Variants in RBFOX1 observed in about 807,000 individuals in gnomAD.
RBFOX1 encodes RNA binding protein fox-1 homolog 1.
RBFOX1 carries 8 observed loss-of-function variants against 57.7 expected under a neutral mutation model. The observed-to-expected ratio is 0.14, with a 90% CI of 0.08 to 0.25. RBFOX1 has a LOEUF of 0.25. RBFOX1 is among the 10% of genes least tolerant of loss of function. The probability of loss-of-function intolerance (pLI) is 1.00; values close to 1 mark genes in which losing one functional copy is unlikely to be tolerated. For synonymous variants in RBFOX1, 326 were observed against 222.4 expected, an observed-to-expected ratio of 1.47 and a Z score of -4.15; for missense variants, 611 against 548.5, an observed-to-expected ratio of 1.11 and a Z score of -1.14.
At chr16:5,584,366 C>A (rs1263468693) in intron 2 of RBFOX1, among the ~76,000 whole-genome samples, 3 of 152,194 alleles carry the variant, frequency 2.0e-5, no homozygotes, top group African/African-American at 7.2e-5. Flanking sequence ...GGAGTTTCAT[C>A]TTGCATCACT....
chr16:7,043,437 A>G (rs59843194), intron 3 of RBFOX1, among the ~76,000 whole-genome samples: 36,780 of 152,108 alleles, frequency 0.24, 5,014 homozygotes, highest in East Asian at 0.45. Context: ...TGTGTATCAT[A>G]GTCCTGAAAT....
At chr16:5,367,020 A>T (rs757633967) in intron 1 of RBFOX1, among the ~76,000 whole-genome samples, 2 of 152,240 alleles carry the variant, frequency 1.3e-5, no homozygotes, top group African/African-American at 4.8e-5. Context: ...CACAGTTTCT[A>T]TTGACTTAAT....
At chr16:6,803,324 A>G (rs569807743) in intron 3 of RBFOX1, among the ~76,000 whole-genome samples, 13 of 152,308 alleles carry the variant, frequency 8.5e-5, no homozygotes, top group African/African-American at 3.1e-4. Flanking sequence ...AGTCATTGGA[A>G]GCAGAAAACT....
In RBFOX1 at chr16:6,289,290, A is replaced by G. The variant is rs2077215396; in HGVS notation, c.-126-27705A>G. 1.3e-5 allele frequency among the ~76,000 whole-genome samples: 2 copies of G among 152,166 alleles called. 1 individual carries two copies. The highest frequency in any genetic ancestry group is 4.1e-4 in the South Asian group (2 of 4,822). ...AAAGGTTTGGAAGGGTGGAGGTAGG[A>G]TGGAAGGGTGGATATAGGTGTTATT... is the stretch of plus-strand genomic sequence containing the variant. On this transcript the variant is annotated intron_variant, in intron 1 of 15. Coordinates refer to ENST00000550418, the MANE Select transcript of RBFOX1 (RefSeq NM_018723.4).
intron 14 of RBFOX1, among the ~76,000 whole-genome samples, chr16:7,699,183 T>TCAA (rs2079814297): frequency 6.6e-6 from 1 of 152,116 alleles, no homozygotes; most frequent in African/African-American, 2.4e-5. Flanking sequence ...CACTAACTGA[T>TCAA]CAATCAGGGA....
At chr16:7,674,133 C>G (rs2072508671) in intron 13 of RBFOX1, among the ~76,000 whole-genome samples, 2 of 152,158 alleles carry the variant, frequency 1.3e-5, no homozygotes, top group South Asian at 4.1e-4. Context: ...ATACACAACT[C>G]TTATTTCCCT....
intron 2 of RBFOX1, among the ~76,000 whole-genome samples, chr16:6,367,688 G>C (rs573941123): frequency 4.0e-5 from 6 of 151,748 alleles, no homozygotes; most frequent in Admixed American, 3.3e-4. Flanking sequence ...CATAGGATGG[G>C]AGCCAATGCC....
At chr16:6,310,310 C>T (rs996915255) in intron 1 of RBFOX1, among the ~76,000 whole-genome samples, 6 of 152,224 alleles carry the variant, frequency 3.9e-5, no homozygotes, top group African/African-American at 1.4e-4. Flanking sequence ...TGAGCACTTA[C>T]TACGTGGCAG....
intron 2 of RBFOX1, among the ~76,000 whole-genome samples, chr16:6,394,691 A>G (rs570368707): frequency 1.3e-5 from 2 of 151,670 alleles, no homozygotes; most frequent in South Asian, 4.2e-4. Flanking sequence ...AATGTATTAG[A>G]TAATGTGTGT....
chr16:7,530,680 G>A lies in RBFOX1; in HGVS notation c.270+12291G>A, dbSNP rs573175045. 5.4e-3 allele frequency among the ~76,000 whole-genome samples: 816 copies of A among 152,172 alleles called. 4 individuals are homozygous for A. Among genetic ancestry groups the A allele is most frequent in the Non-Finnish European group, 7.2e-3 (493 of 68,016 alleles). ...TCTGGGTTTCTTCCTTTGTATCCCC[G>A]AAGAATGTGGAGCCTGCCAAATTGT... On this transcript the variant is annotated intron_variant, in intron 5 of 15. Transcript: ENST00000550418.
chr16:6,270,087 C>G lies in RBFOX1; in HGVS notation c.-126-46908C>G, dbSNP rs575246566. On this transcript the variant is annotated intron_variant, in intron 1 of 15. Transcript: ENST00000550418. ...CTAAAAAAATCTGTAAAAGGAGATTCACTCAAACAGACTATAGGCAAATTA... is the reference window on the plus strand; with the variant it reads ...CTAAAAAAATCTGTAAAAGGAGATTGACTCAAACAGACTATAGGCAAATTA... Among the ~76,000 whole-genome samples the G allele has an allele frequency of 5.9e-5, 9 of 152,054 alleles. No homozygotes were observed. In the East Asian group the frequency reaches 1.5e-3, roughly 26 times the overall value.
In RBFOX1 at chr16:6,222,333, A is replaced by G. The variant is rs74006956; in HGVS notation, c.-126-94662A>G. On this transcript the variant is annotated intron_variant, in intron 1 of 15. Coordinates refer to ENST00000550418, the MANE Select transcript of RBFOX1 (RefSeq NM_018723.4). ...GCTCTAGAGGCTGAAAGACTAATTT[A>G]AAAAATTTCATGCAAGCTTGAAACT... Among the ~76,000 whole-genome samples, 461 of 152,284 alleles carry G rather than the reference A, an allele frequency of 3.0e-3. 1 individual carries two copies. Among genetic ancestry groups the G allele is most frequent in the African/African-American group, 0.01 (419 of 41,572 alleles).
At chr16:5,433,487 G>A (rs1475672492) in intron 1 of RBFOX1, among the ~76,000 whole-genome samples, 1 of 152,150 alleles carries the variant, frequency 6.6e-6, no homozygotes, top group Non-Finnish European at 1.5e-5. Flanking sequence ...AGCTCCTGAT[G>A]GCATCTTTGA....
intron 4 of RBFOX1, among the ~76,000 whole-genome samples, chr16:5,918,775 AG>A: frequency 6.6e-6 from 1 of 152,230 alleles, no homozygotes; most frequent in Non-Finnish European, 1.5e-5. Context: ...ATCACAGTCA[AG>A]GGAGGAGCGA....
intron 14 of RBFOX1, among the ~76,000 whole-genome samples, chr16:7,698,363 T>TG (rs1425944538): frequency 6.6e-5 from 10 of 151,924 alleles, no homozygotes; most frequent in African/African-American, 2.4e-4. Flanking sequence ...CCATGTGGGG[T>TG]GAGGGTAGGG....
chr16:5,594,037 G>A, intron 2 of RBFOX1, among the ~76,000 whole-genome samples: 1 of 151,892 alleles, frequency 6.6e-6, no homozygotes. Context: ...GGTCAGCCAT[G>A]GCCTTGGCTT....
At chr16:6,783,651 C>T (rs1387947323) in intron 3 of RBFOX1, among the ~76,000 whole-genome samples, 1 of 151,964 alleles carries the variant, frequency 6.6e-6, no homozygotes, top group Non-Finnish European at 1.5e-5. Flanking sequence ...GTCTTTTAGT[C>T]TTCGTACTAA....
At chr16:7,262,615 T>C (rs1439038035) in intron 4 of RBFOX1, among the ~76,000 whole-genome samples, 1 of 152,286 alleles carries the variant, frequency 6.6e-6, no homozygotes, top group Non-Finnish European at 1.5e-5. Flanking sequence ...CTGCAGTCTC[T>C]GGCTCATCTC....
intron 3 of RBFOX1, among the ~76,000 whole-genome samples, chr16:6,764,707 C>A (rs1266922799): frequency 2.0e-5 from 3 of 152,072 alleles, no homozygotes; most frequent in Admixed American, 6.6e-5. Flanking sequence ...GAGGCTGAGG[C>A]GGGTAGGTCA....
Sources: allele counts gnomAD v4.1 joint callset (sites outside exome capture counted in the v4.1 genomes callset), GRCh38; gene constraint gnomAD v4.1.1; transcripts MANE v1.5; gene names NCBI Gene and HGNC (gene_info 2026-07-23, HGNC 2026-07-21).